Variants in C8A observed in about 807,000 individuals in gnomAD.
C8A encodes the protein complement C8 alpha chain.
A neutral mutation model predicts 65.3 loss-of-function variants in C8A; 67 were observed. The ratio of observed to expected loss-of-function variants is 1.03; its 90% confidence interval spans 0.84 to 1.26. C8A has a LOEUF of 1.26. Among genes scored for constraint, C8A ranks in the 50% most tolerant of loss-of-function variants. The pLI is 0.00. For missense variants in C8A, 781 were observed against 723.9 expected (o/e 1.08, Z -0.90); for synonymous variants, 290 against 259.4 (o/e 1.12, Z -1.13).
At position 56,866,831 on chromosome 1, in the gene C8A, G is replaced by A. The variant is rs534707031; in HGVS notation, c.78-778G>A. Among the ~76,000 whole-genome samples, 14 of 152,288 alleles carry A rather than the reference G, an allele frequency of 9.2e-5. No individual in the cohort carries two copies. In the South Asian group the frequency reaches 1.7e-3, roughly 18 times the overall value. ...GGAAGTATAGGGTAAGAGAAGGATCGTGGGCTTGGAGATATGCTCTCTCAT... is the reference window on the plus strand; with the variant it reads ...GGAAGTATAGGGTAAGAGAAGGATCATGGGCTTGGAGATATGCTCTCTCAT... On this transcript the variant is annotated intron_variant, in intron 1 of 10. Coordinates refer to ENST00000361249, the MANE Select transcript of C8A (RefSeq NM_000562.3).
intron 2 of C8A, among the ~76,000 whole-genome samples, chr1:56,874,256 C>A (rs1376546370): frequency 1.3e-5 from 2 of 152,172 alleles, no homozygotes; most frequent in African/African-American, 2.4e-5. Context: ...ATTACAACAA[C>A]TAGGCAGATG....
In C8A at chr1:56,886,110, A is replaced by T; in HGVS notation, c.1039A>T (p.Met347Leu). Residue 347 changes from methionine to leucine, a missense_variant, in exon 7 of 11, where the codon ATG becomes TTG. Coordinates refer to ENST00000361249, the MANE Select transcript of C8A (RefSeq NM_000562.3). Reference protein sequence around the residue: ...YGTHYITSGSMGGIYEYILVI... With the variant: ...YGTHYITSGSLGGIYEYILVI... ...CACCCATTACATCACATCTGGATCC[A>T]TGGGTGGCATTTATGAATATATCCT... is the stretch of plus-strand genomic sequence containing the variant. The T allele has an allele frequency of 6.2e-7, 1 of 1,614,052 alleles. No individual in the cohort carries two copies.
chr1:56,900,218 A>G (rs1038060508), intron 7 of C8A, among the ~76,000 whole-genome samples: 1 of 152,212 alleles, frequency 6.6e-6, no homozygotes, highest in African/African-American at 2.4e-5. Flanking sequence ...GTTCCTCTGC[A>G]GAATAACAGT....
intron 9 of C8A, among the ~76,000 whole-genome samples, chr1:56,911,042 T>G (rs527612619): frequency 6.7e-6 from 1 of 148,286 alleles, no homozygotes; most frequent in South Asian, 2.2e-4. Flanking sequence ...TAACCACATA[T>G]GCATGCAATT....
At chr1:56,888,671 A>G (rs1394167915) in intron 7 of C8A, among the ~76,000 whole-genome samples, 2 of 152,228 alleles carry the variant, frequency 1.3e-5, no homozygotes, top group African/African-American at 4.8e-5. Flanking sequence ...GATGTAAAAA[A>G]TGTAAAATGT....
intron 10 of C8A, among the ~76,000 whole-genome samples, chr1:56,916,504 C>G (rs114450895): frequency 2.0e-5 from 3 of 152,096 alleles, no homozygotes; most frequent in Non-Finnish European, 2.9e-5. Flanking sequence ...TGTGGCTGCC[C>G]CATCAGGGAG....
chr1:56,878,067 G>A lies in C8A; in HGVS notation c.464+1858G>A, dbSNP rs192095435. Among the ~76,000 whole-genome samples the A allele has an allele frequency of 3.0e-3, 463 of 152,234 alleles. 4 individuals are homozygous for A. Among genetic ancestry groups the A allele is most frequent in the African/African-American group, 0.011 (440 of 41,554 alleles). On this transcript the variant is annotated intron_variant, in intron 4 of 10. Transcript: ENST00000361249. Reference sequence around the variant, plus strand: ...CTGAAGTCAGGGTGTCAGCAGAGTGGTTTCTTCTGAGGCCTCTCTCCCTGG... The same window carrying A: ...CTGAAGTCAGGGTGTCAGCAGAGTGATTTCTTCTGAGGCCTCTCTCCCTGG...
chr1:56,875,196 C>G (rs1384883838), intron 3 of C8A, 103 bp downstream of exon 3: 1 of 1,354,632 alleles, frequency 7.4e-7, no homozygotes, highest in Non-Finnish European at 1.0e-6. Context: ...AGCCCTTCCT[C>G]TCGAGGTTGC....
At chr1:56,902,549 A>G (rs11206933) in intron 7 of C8A, among the ~76,000 whole-genome samples, 44,029 of 151,976 alleles carry the variant, frequency 0.29, 6,626 homozygotes, top group East Asian at 0.44. Flanking sequence ...GCCAACTTTA[A>G]CAGTACAATA....
intron 7 of C8A, among the ~76,000 whole-genome samples, chr1:56,901,980 G>A (rs1331131072): frequency 2.6e-5 from 4 of 152,120 alleles, no homozygotes; most frequent in African/African-American, 4.8e-5. Flanking sequence ...ACAGTAAAAC[G>A]TCATTAGGTA....
intron 2 of C8A, among the ~76,000 whole-genome samples, chr1:56,868,317 A>C (rs1644111341): frequency 6.6e-6 from 1 of 151,336 alleles, no homozygotes; most frequent in African/African-American, 2.4e-5. Flanking sequence ...AGTAATAATA[A>C]AACATAGTCA....
intron 7 of C8A, among the ~76,000 whole-genome samples, chr1:56,894,145 T>C (rs1644370339): frequency 6.6e-6 from 1 of 152,146 alleles, no homozygotes; most frequent in Non-Finnish European, 1.5e-5. Context: ...AAAGTGGGGA[T>C]AAGAGGAAGA....
chr1:56,859,790 G>T (rs570570338), intron 1 of C8A, among the ~76,000 whole-genome samples: 4 of 152,048 alleles, frequency 2.6e-5, no homozygotes, highest in African/African-American at 9.7e-5. Context: ...TTGTGGGTGC[G>T]GTGGCTCACA....
intron 7 of C8A, among the ~76,000 whole-genome samples, chr1:56,897,627 A>G (rs1644396206): frequency 6.6e-6 from 1 of 152,176 alleles, no homozygotes; most frequent in Non-Finnish European, 1.5e-5. Context: ...TTGGGGTGGG[A>G]AAGACATTTA....
chr1:56,890,385 A>G (rs777949362), intron 7 of C8A, among the ~76,000 whole-genome samples: 1 of 152,208 alleles, frequency 6.6e-6, no homozygotes, highest in Non-Finnish European at 1.5e-5. Context: ...TGTGAAAAGA[A>G]CAAAATCAGT....
At position 56,906,844 on chromosome 1, in the gene C8A, G is replaced by T. The variant is rs374266499; in HGVS notation, c.1222+52G>T. On this transcript the variant is annotated intron_variant, in intron 8 of 10. Transcript: ENST00000361249. ...AAAAGAGAAGCCAGGCTTTCCTTTG[G>T]ACACACACTGGGACATGGAAGCTAT... 4.3e-6 allele frequency: 7 copies of T among 1,609,714 alleles called. No individual in the cohort carries two copies. In the African/African-American group the frequency reaches 8.0e-5, roughly 18 times the overall value.
chr1:56,895,901 A>G (rs907146139), intron 7 of C8A, among the ~76,000 whole-genome samples: 28 of 152,152 alleles, frequency 1.8e-4, no homozygotes, highest in African/African-American at 6.8e-4. Context: ...GTGAGCCAAG[A>G]TCACACCATT....
chr1:56,909,641 A>G (rs1490865701), intron 9 of C8A, among the ~76,000 whole-genome samples: 1 of 152,222 alleles, frequency 6.6e-6, no homozygotes, highest in African/African-American at 2.4e-5. Flanking sequence ...AGACCACTAC[A>G]GTCTTTTGGG....
chr1:56,885,940 C>G lies in C8A; in HGVS notation c.869C>G (p.Thr290Arg), dbSNP rs1434705184. ...NKYNEKKFIF[T>R]RIFTKVQTAH... ...GGTTGCTGGCAGAAATTCATTTTCA[C>G]AAGAATCTTCACAAAGGTGCAGACT... is the stretch of plus-strand genomic sequence containing the variant. The change falls in exon 7 of 11, where the codon ACA becomes AGA. Residue 290 changes from threonine to arginine, a missense_variant. By Grantham distance (71) the Thr-to-Arg change is moderately conservative. Transcript: ENST00000361249. The G allele has an allele frequency of 6.2e-7, 1 of 1,613,760 alleles. No individual in the cohort carries two copies. The highest frequency in any genetic ancestry group is 1.3e-5 in the African/African-American group (1 of 74,912).
Sources: allele counts gnomAD v4.1 joint callset (sites outside exome capture counted in the v4.1 genomes callset), GRCh38; gene constraint gnomAD v4.1.1; transcripts MANE v1.5; gene names NCBI Gene and HGNC (gene_info 2026-07-23, HGNC 2026-07-21).